The following ATG14 variants were observed in gnomAD, a reference collection of about 807,000 sequenced individuals.
ATG14 encodes beclin 1-associated autophagy-related key regulator.
Under a neutral mutation model 60.4 loss-of-function variants are expected in ATG14, and 35 were observed. The ratio of observed to expected loss-of-function variants is 0.58; its 90% confidence interval spans 0.44 to 0.77. ATG14 has a LOEUF of 0.77. Among genes scored for constraint, ATG14 ranks in the 30% least tolerant of loss-of-function variants. ATG14 has a pLI of 0.00. For missense variants in ATG14, 647 were observed against 626.3 expected, an observed-to-expected ratio of 1.03 and a Z score of -0.35; for synonymous variants, 234 against 228.8, an observed-to-expected ratio of 1.02 and a Z score of -0.21.
chr14:55,389,629 T>G (rs1401141867), intron 4 of ATG14, among the ~76,000 whole-genome samples: 1 of 152,252 alleles, frequency 6.6e-6, no homozygotes, highest in African/African-American at 2.4e-5. Context: ...CAGAAATTCA[T>G]GGACTGCAGC....
chr14:55,377,787 C>G, intron 9 of ATG14, 32 bp downstream of exon 9: 1 of 1,481,028 alleles, frequency 6.8e-7, no homozygotes, highest in Non-Finnish European at 9.2e-7. Flanking sequence ...TTCACAAAAA[C>G]ACTTAGAGAA....
chr14:55,369,762 T>C lies in ATG14; in HGVS notation c.1336A>G (p.Ile446Val). 1 of 1,614,182 alleles carries C rather than the reference T, an allele frequency of 6.2e-7. No individual in the cohort carries two copies. The highest frequency in any genetic ancestry group is 8.5e-7 in the Non-Finnish European group (1 of 1,180,030). ...GAGACTTCCACAGACTGGGAAGGGA[T>C]ATCACAAAACCGGGGACTAGGCAAG... The part of the protein sequence containing the change: ...ENLPSPRFCD[I>V]PSQSVEVSQS... Residue 446 changes from isoleucine (I) to valine (V), a missense_variant, in exon 10 of 10, where the codon ATC becomes GTC. Transcript: ENST00000247178.
chr14:55,391,055 C>T, intron 3 of ATG14, 63 bp from the exon 4 acceptor site: 1 of 1,054,890 alleles, frequency 9.5e-7, no homozygotes, highest in East Asian at 2.6e-5. Context: ...TGATTATCTA[C>T]CTGGGATCAC....
At chr14:55,395,153 T>C (rs1173344731) in intron 3 of ATG14, 11 of 469,732 alleles carry the variant, frequency 2.3e-5, no homozygotes, top group South Asian at 1.7e-4. Flanking sequence ...CAGGAGCAGG[T>C]TCAGCTGATA....
chr14:55,402,550 T>C (rs928940221), intron 1 of ATG14, among the ~76,000 whole-genome samples: 3 of 152,046 alleles, frequency 2.0e-5, no homozygotes, highest in African/African-American at 7.2e-5. Flanking sequence ...TGATAGTATA[T>C]TGCCACAAAA....
At chr14:55,388,548 C>T (rs1265207188) in intron 4 of ATG14, among the ~76,000 whole-genome samples, 3 of 152,230 alleles carry the variant, frequency 2.0e-5, no homozygotes, top group African/African-American at 7.2e-5. Flanking sequence ...TATAACCTAA[C>T]TTCCCTATCT....
intron 1 of ATG14, among the ~76,000 whole-genome samples, chr14:55,402,926 AATATATATATATATATATATATAT>A (rs71131262): frequency 3.0e-3 from 50 of 16,398 alleles, no homozygotes; most frequent in Middle Eastern, 0.045. Flanking sequence ...AAAAAAAAAA[AATATATATATATATATATATATAT>A]ATATATATAT....
intron 3 of ATG14, chr14:55,395,189 TTCC>T (rs1885291733): frequency 2.3e-6 from 1 of 435,216 alleles, no homozygotes; most frequent in Admixed American, 2.6e-5. Flanking sequence ...TCTTGGGCTC[TTCC>T]TCTGTGGCCC....
intron 5 of ATG14, among the ~76,000 whole-genome samples, chr14:55,382,929 A>G (rs1885060163): frequency 6.6e-6 from 1 of 152,272 alleles, no homozygotes; most frequent in Non-Finnish European, 1.5e-5. Flanking sequence ...CAATAAACCT[A>G]TTATACATTT....
chr14:55,392,849 AAT>A (rs944361652), intron 3 of ATG14, among the ~76,000 whole-genome samples: 31 of 152,182 alleles, frequency 2.0e-4, no homozygotes, highest in African/African-American at 7.5e-4. Context: ...TAACATCTCG[AAT>A]AGAGTCAGAC....
At chr14:55,390,870 G>A in intron 4 of ATG14, 41 bp downstream of exon 4, 1 of 1,364,108 alleles carries the variant, frequency 7.3e-7, no homozygotes, top group Non-Finnish European at 1.0e-6. Context: ...ATTCCACATA[G>A]GCACTTTCTA....
chr14:55,372,540 T>C (rs1177747883), intron 9 of ATG14, among the ~76,000 whole-genome samples: 8 of 151,528 alleles, frequency 5.3e-5, no homozygotes, highest in African/African-American at 1.7e-4. Flanking sequence ...ACTCCTCCCT[T>C]CCTTCTTTCC....
chr14:55,378,011 T>G lies in ATG14; in HGVS notation c.1059A>C (p.Ala353=). 1 of 1,612,674 alleles carries G rather than the reference T, an allele frequency of 6.2e-7. No homozygotes were observed. The highest frequency in any genetic ancestry group is 8.5e-7 in the Non-Finnish European group (1 of 1,178,920). The part of the protein sequence containing the change: ...KFTRAVKKLN[A]NILYLCFSQH... ...GAGAAAAACAAAGGTAAAGAATATT[T>G]GCATTCAGTTTCTTCACTGCTCGAG... Residue 353 remains alanine (A), a synonymous_variant, in exon 8 of 10, where the codon GCA becomes GCC. Transcript: ENST00000247178.
rs762727034 is a variant in ATG14, at chr14:55,377,887, T to C, written c.1104A>G (p.Gln368=). Residue 368 remains glutamine (Q), a synonymous_variant, in exon 9 of 10, where the codon CAA becomes CAG. Coordinates refer to ENST00000247178, the MANE Select transcript of ATG14 (RefSeq NM_014924.5). ...TCCTGAGGGTATGCAGTGGTTGTAA[T>C]TGATCTAAATTTACATGCTAAAAAA... is the stretch of plus-strand genomic sequence containing the variant. The part of the protein sequence containing the change: ...LCFSQHVNLD[Q]LQPLHTLRNL... 4.2e-5 allele frequency: 68 copies of C among 1,605,990 alleles called. No homozygotes were observed. Among genetic ancestry groups the C allele is most frequent in the East Asian group, 6.7e-5 (3 of 44,782 alleles).
chr14:55,404,357 A>T (rs890458490), intron 1 of ATG14, among the ~76,000 whole-genome samples: 3 of 152,180 alleles, frequency 2.0e-5, no homozygotes, highest in African/African-American at 4.8e-5. Flanking sequence ...CTAAAAGAAA[A>T]CACATGCTCT....
rs752796116 is a variant in ATG14 at position 55,381,859 on chromosome 14, A to T, written c.877+103T>A. The T allele has an allele frequency of 5.8e-5, 54 of 929,206 alleles. 1 individual carries two copies. Among genetic ancestry groups the T allele is most frequent in the Non-Finnish European group, 8.3e-5 (50 of 601,646 alleles). 57.6% of individuals were successfully genotyped at this position (929,206 alleles called of 1,614,324 possible). On this transcript the variant is annotated intron_variant, in intron 6 of 9. Coordinates refer to ENST00000247178, the MANE Select transcript of ATG14 (RefSeq NM_014924.5). ...GGGAGCACAGTGCTGTGAATGTACT[A>T]AATGCCCCTGAATGGTTCACTTGAA...
At chr14:55,378,797 C>CT (rs759860494) in intron 7 of ATG14, among the ~76,000 whole-genome samples, 1 of 152,190 alleles carries the variant, frequency 6.6e-6, no homozygotes, top group Non-Finnish European at 1.5e-5. Context: ...CCTCAATCTC[C>CT]TGGGCTCAAG....
chr14:55,386,385 C>G (rs1022046268), intron 4 of ATG14, among the ~76,000 whole-genome samples: 2 of 152,158 alleles, frequency 1.3e-5, no homozygotes, highest in African/African-American at 4.8e-5. Context: ...CAGGAAGGAC[C>G]TGATTTTCCT....
At chr14:55,381,919 ACT>A (rs773138557) in intron 6 of ATG14, 41 bp downstream of exon 6, 1 of 1,536,100 alleles carries the variant, frequency 6.5e-7, no homozygotes, top group Admixed American at 1.7e-5. Flanking sequence ...TTTACCTATA[ACT>A]CTCTCTATAT....
Sources: gnomAD v4.1 joint callset for allele counts (sites outside exome capture counted in the v4.1 genomes callset) on GRCh38, gnomAD v4.1.1 for gene constraint, MANE v1.5 for transcripts, NCBI Gene and HGNC (gene_info 2026-07-23, HGNC 2026-07-21) for gene names.